The following ZNF609 variants were observed in gnomAD, a reference collection of about 807,000 sequenced individuals.
The protein encoded by ZNF609 is zinc finger protein 609.
A neutral mutation model predicts 109.5 loss-of-function variants in ZNF609; 11 were observed. The ratio of observed to expected loss-of-function variants is 0.10; its 90% confidence interval spans 0.06 to 0.17. The LOEUF (loss-of-function observed/expected upper bound fraction) is 0.17. Among genes scored for constraint, ZNF609 ranks in the 10% least tolerant of loss-of-function variants. ZNF609 has a pLI of 1.00. For missense variants in ZNF609, 1,559 were observed against 1,772.4 expected, an observed-to-expected ratio of 0.88 and a Z score of 2.16; for synonymous variants, 646 against 662.0, an observed-to-expected ratio of 0.98 and a Z score of 0.37.
intron 2 of ZNF609, among the ~76,000 whole-genome samples, chr15:64,555,462 G>A (rs148919457): frequency 2.1e-3 from 319 of 152,150 alleles, no homozygotes; most frequent in East Asian, 6.0e-3. Context: ...CCAGGAGTTC[G>A]AGGCCAGCCT....
chr15:64,584,496 T>G (rs1360304086), intron 2 of ZNF609, among the ~76,000 whole-genome samples: 1 of 152,062 alleles, frequency 6.6e-6, no homozygotes, highest in East Asian at 1.9e-4. Context: ...AGACAGAGTT[T>G]CGCCATGTTA....
At chr15:64,481,877 T>G (rs1399039911) in intron 1 of ZNF609, among the ~76,000 whole-genome samples, 1 of 152,116 alleles carries the variant, frequency 6.6e-6, no homozygotes, top group Non-Finnish European at 1.5e-5. Context: ...CTCCACCTCC[T>G]GGGTTCAAGT....
chr15:64,517,260 C>T (rs1232747348), intron 2 of ZNF609, among the ~76,000 whole-genome samples: 1 of 152,022 alleles, frequency 6.6e-6, no homozygotes, highest in Non-Finnish European at 1.5e-5. Context: ...GCCTGTAGTC[C>T]AAGCTTCTCA....
chr15:64,676,301 G>A (rs202175272), intron 5 of ZNF609, 45 bp downstream of exon 5: 10 of 1,528,926 alleles, frequency 6.5e-6, no homozygotes, highest in Admixed American at 4.3e-5. Context: ...TATGGTAATC[G>A]TCTATCTTCC....
Position 64,500,422 on chromosome 15 carries a change from C to T in ZNF609, c.747+256C>T, listed in dbSNP as rs1195111273. On this transcript the variant is annotated intron_variant, in intron 2 of 9. Coordinates refer to ENST00000326648, the MANE Select transcript of ZNF609 (RefSeq NM_015042.2). The stretch of plus-strand genomic sequence containing the variant: ...GGGGGCAGCTACTTTGTAGAATGAA[C>T]TTTCTGTAGTCTGAGTTGAGACCTT... 8 of 705,480 alleles carry T rather than the reference C, an allele frequency of 1.1e-5. No homozygotes were observed. The East Asian group carries it at 1.6e-4, about 14-fold the overall frequency. The allele number at this position is 705,480 out of a possible 1,614,324, so 43.7% of individuals were successfully genotyped here.
In ZNF609 at chr15:64,605,997, C is replaced by T. The variant is rs1031391143; in HGVS notation, c.748-16830C>T. Among the ~76,000 whole-genome samples the T allele has an allele frequency of 3.6e-4, 54 of 149,274 alleles. 1 individual carries two copies. Among genetic ancestry groups the T allele is most frequent in the African/African-American group, 1.2e-3 (47 of 40,788 alleles). ...GTCTCGATCTCCTGACCTCGTGATCCACCCGCCTCGGCCTCCCAAAGTGCT... is the reference window on the plus strand; with the variant it reads ...GTCTCGATCTCCTGACCTCGTGATCTACCCGCCTCGGCCTCCCAAAGTGCT... On this transcript the variant is annotated intron_variant, in intron 2 of 9. Coordinates refer to ENST00000326648, the MANE Select transcript of ZNF609 (RefSeq NM_015042.2).
At chr15:64,650,672 C>T (rs1349043919) in intron 3 of ZNF609, among the ~76,000 whole-genome samples, 2 of 152,016 alleles carry the variant, frequency 1.3e-5, no homozygotes, top group Non-Finnish European at 2.9e-5. Flanking sequence ...GATCCAATAA[C>T]TGTGTCTTTA....
At chr15:64,572,679 G>A (rs1222186594) in intron 2 of ZNF609, among the ~76,000 whole-genome samples, 2 of 151,872 alleles carry the variant, frequency 1.3e-5, no homozygotes, top group East Asian at 3.9e-4. Context: ...GTTCACCTGA[G>A]GTCGGGAGTT....
chr15:64,506,472 G>A (rs1893639515), intron 2 of ZNF609, among the ~76,000 whole-genome samples: 1 of 145,566 alleles, frequency 6.9e-6, no homozygotes, highest in African/African-American at 2.5e-5. Flanking sequence ...TATAATCCCA[G>A]CACTTTGGGA....
At chr15:64,584,943 T>TA (rs1567021577) in intron 2 of ZNF609, among the ~76,000 whole-genome samples, 1 of 137,472 alleles carries the variant, frequency 7.3e-6, no homozygotes, top group South Asian at 2.3e-4. Context: ...TTTAAAAATA[T>TA]AAAAAATAAA....
intron 2 of ZNF609, among the ~76,000 whole-genome samples, chr15:64,564,065 C>A (rs560323710): frequency 1.2e-4 from 18 of 151,704 alleles, no homozygotes; most frequent in Admixed American, 4.6e-4. Context: ...TTAAATTGTG[C>A]CTCATTCTGA....
At chr15:64,508,824 A>G (rs547749497) in intron 2 of ZNF609, among the ~76,000 whole-genome samples, 2 of 151,434 alleles carry the variant, frequency 1.3e-5, no homozygotes, top group East Asian at 1.9e-4. Context: ...CCTCCCCAGT[A>G]GCTGGGACTA....
rs1893130816 is a variant in ZNF609 at position 64,474,012 on chromosome 15, A to T, written c.-128+13174A>T. Among the ~76,000 whole-genome samples the T allele has an allele frequency of 4.0e-5, 6 of 151,210 alleles. No individual in the cohort carries two copies. In the South Asian group the frequency reaches 1.0e-3, roughly 26 times the overall value. On this transcript the variant is annotated intron_variant, in intron 1 of 9. Coordinates refer to ENST00000326648, the MANE Select transcript of ZNF609 (RefSeq NM_015042.2). The stretch of plus-strand genomic sequence containing the variant: ...CTGGTCTTGAACTCCTGACCTTGTG[A>T]TCCACCTGCCTCGGCCTCCCAAAGT...
chr15:64,586,643 G>A (rs568438140), intron 2 of ZNF609, among the ~76,000 whole-genome samples: 17 of 151,666 alleles, frequency 1.1e-4, no homozygotes, highest in South Asian at 6.3e-4. Context: ...ACCATCCCCC[G>A]TCCCGCCAAC....
intron 2 of ZNF609, among the ~76,000 whole-genome samples, chr15:64,616,857 G>T (rs1234088662): frequency 1.8e-5 from 2 of 112,994 alleles, no homozygotes; most frequent in African/African-American, 6.6e-5. Flanking sequence ...CGCCCAGGAT[G>T]GAGTACAATT....
At chr15:64,502,855 T>C (rs1220561534) in intron 2 of ZNF609, 1 of 152,098 alleles carries the variant, frequency 6.6e-6, no homozygotes. Context: ...TTGCTTAAGC[T>C]CAGGAGTTTG....
At chr15:64,517,255 T>C (rs1280337990) in intron 2 of ZNF609, among the ~76,000 whole-genome samples, 1 of 152,134 alleles carries the variant, frequency 6.6e-6, no homozygotes, top group Non-Finnish European at 1.5e-5. Context: ...TGCATGCCTG[T>C]AGTCCAAGCT....
chr15:64,545,635 T>C (rs1287660288), intron 2 of ZNF609, among the ~76,000 whole-genome samples: 1 of 152,210 alleles, frequency 6.6e-6, no homozygotes, highest in Non-Finnish European at 1.5e-5. Flanking sequence ...TAGAACGTTT[T>C]AATTTCCCCA....
chr15:64,461,614 A>G (rs1566990418), intron 1 of ZNF609, among the ~76,000 whole-genome samples: 1 of 152,178 alleles, frequency 6.6e-6, no homozygotes, highest in African/African-American at 2.4e-5. Flanking sequence ...GGCAGCAGCA[A>G]ACAGTCATTT....
Sources: allele counts gnomAD v4.1 joint callset (sites outside exome capture counted in the v4.1 genomes callset), GRCh38; gene constraint gnomAD v4.1.1; transcripts MANE v1.5; gene names NCBI Gene and HGNC (gene_info 2026-07-23, HGNC 2026-07-21).